The following IL1RAPL1 variants were observed in gnomAD, a reference collection of about 807,000 sequenced individuals.
IL1RAPL1 encodes interleukin-1 receptor accessory protein-like 1.
A neutral mutation model predicts 48.4 loss-of-function variants in IL1RAPL1; 3 were observed. The observed-to-expected ratio is 0.06, with a 90% confidence interval of 0.03 to 0.16. The LOEUF (loss-of-function observed/expected upper bound fraction) is 0.16. Ranked by LOEUF, IL1RAPL1 falls within the 10% of genes least tolerant of loss-of-function variation. The pLI is 1.00. For synonymous variants in IL1RAPL1, 185 were observed against 187.7 expected, an observed-to-expected ratio of 0.99 and a Z score of 0.12; for missense variants, 349 against 530.6, an observed-to-expected ratio of 0.66 and a Z score of 3.36.
chrX:28,983,606 T>C (rs1278302905), intron 2 of IL1RAPL1, among the ~76,000 whole-genome samples: 2 of 112,212 alleles, frequency 1.8e-5, no homozygotes, highest in African/African-American at 6.5e-5. Flanking sequence ...TTTGCCCATC[T>C]ATTTTTATTA....
At chrX:29,567,643 G>T (rs1231019425) in intron 5 of IL1RAPL1, among the ~76,000 whole-genome samples, 1 of 111,814 alleles carries the variant, frequency 8.9e-6, no homozygotes, top group Admixed American at 9.5e-5. Context: ...AATATTTGAT[G>T]AAATTGATGC....
intron 5 of IL1RAPL1, among the ~76,000 whole-genome samples, chrX:29,542,662 A>G (rs1166657244): frequency 8.9e-6 from 1 of 111,995 alleles, no homozygotes; most frequent in African/African-American, 3.2e-5. Context: ...ACAACTGAAA[A>G]GTAAATTCCC....
At chrX:29,918,144 A>AATATATATATATATATATATATAT (rs748970921) in intron 7 of IL1RAPL1, among the ~76,000 whole-genome samples, 1 of 23,761 alleles carries the variant, frequency 4.2e-5, no homozygotes, top group African/African-American at 2.4e-4. Context: ...AAAAAAAAAA[A>AATATATATATATATATATATATAT]ATATATATAT....
chrX:28,871,054 A>G (rs1285665408), intron 2 of IL1RAPL1, among the ~76,000 whole-genome samples: 1 of 111,949 alleles, frequency 8.9e-6, no homozygotes, highest in African/African-American at 3.2e-5. Flanking sequence ...TTAATTATTA[A>G]TAGCATATTA....
At chrX:28,985,009 A>G (rs1482769904) in intron 2 of IL1RAPL1, among the ~76,000 whole-genome samples, 1 of 111,848 alleles carries the variant, frequency 8.9e-6, no homozygotes, top group Non-Finnish European at 1.9e-5. Flanking sequence ...ATTGAATAAT[A>G]AATATAAACT....
At chrX:29,447,369 A>T (rs1233529739) in intron 5 of IL1RAPL1, among the ~76,000 whole-genome samples, 1 of 111,793 alleles carries the variant, frequency 8.9e-6, no homozygotes, top group Non-Finnish European at 1.9e-5. Context: ...TCCAAAAAAA[A>T]AAAAGCAAAA....
chrX:29,848,019 GAGAATTGTATCAGT>G (rs1391263659), intron 6 of IL1RAPL1, among the ~76,000 whole-genome samples: 1 of 110,859 alleles, frequency 9.0e-6, no homozygotes, highest in Non-Finnish European at 1.9e-5. Context: ...GTTTTTGCTT[GAGAATTGTATCAGT>G]AGATACAATT....
chrX:29,096,980 G>A (rs759325457), intron 2 of IL1RAPL1, among the ~76,000 whole-genome samples: 78 of 110,236 alleles, frequency 7.1e-4, no homozygotes, highest in Non-Finnish European at 1.2e-3. Context: ...ACTTATGGAG[G>A]GCACACCCTT....
rs190394145 is a variant in IL1RAPL1, at chrX:29,808,892, A to C, written c.779-108572A>C. Among the ~76,000 whole-genome samples the C allele has an allele frequency of 8.9e-3, 985 of 110,926 alleles. 11 individuals carry two copies. The highest frequency in any genetic ancestry group is 0.03 in the African/African-American group (909 of 30,549). On this transcript the variant is annotated intron_variant, in intron 6 of 10. Transcript: ENST00000378993. The stretch of plus-strand genomic sequence containing the variant: ...TAAACCAGCTTTGTTTGTATTTTCT[A>C]TATATAAATATTTTTATATGCCAGC...
At chrX:28,779,393 T>G (rs1400111344) in intron 1 of IL1RAPL1, among the ~76,000 whole-genome samples, 1 of 108,676 alleles carries the variant, frequency 9.2e-6, no homozygotes, top group Non-Finnish European at 1.9e-5. Context: ...TCTATGCACC[T>G]TTGCAGTTCC....
chrX:29,409,820 C>CTTTTTT (rs34018303), intron 5 of IL1RAPL1, among the ~76,000 whole-genome samples: 2 of 79,366 alleles, frequency 2.5e-5, no homozygotes, highest in Non-Finnish European at 4.8e-5. Context: ...GTTCTAAATT[C>CTTTTTT]TTTTTTTTTT....
intron 6 of IL1RAPL1, among the ~76,000 whole-genome samples, chrX:29,670,365 A>C (rs1926109757): frequency 8.9e-6 from 1 of 112,182 alleles, no homozygotes; most frequent in African/African-American, 3.2e-5. Context: ...ATGCTTCAAA[A>C]AATACTCTTA....
chrX:29,635,305 A>G (rs1924932141), intron 5 of IL1RAPL1, among the ~76,000 whole-genome samples: 1 of 112,202 alleles, frequency 8.9e-6, no homozygotes, highest in Admixed American at 9.5e-5. Flanking sequence ...CCAAGGGTAA[A>G]GATTCTAAAA....
At chrX:29,273,731 G>A (rs1377443100) in intron 2 of IL1RAPL1, among the ~76,000 whole-genome samples, 1 of 110,665 alleles carries the variant, frequency 9.0e-6, no homozygotes, top group Non-Finnish European at 1.9e-5. Flanking sequence ...TGGGAGTAGG[G>A]CACTTGCAGA....
chrX:29,281,039 G>T (rs983727561), intron 2 of IL1RAPL1, among the ~76,000 whole-genome samples: 1 of 111,708 alleles, frequency 9.0e-6, no homozygotes, highest in Non-Finnish European at 1.9e-5. Flanking sequence ...AATAAATGTG[G>T]ATAATTAATT....
At chrX:29,159,856 C>A (rs926251043) in intron 2 of IL1RAPL1, among the ~76,000 whole-genome samples, 12 of 111,632 alleles carry the variant, frequency 1.1e-4, no homozygotes, top group Non-Finnish European at 2.3e-4. Context: ...GGATTACAGG[C>A]AAGAGCCACC....
chrX:29,357,130 ATATTT>A (rs1158605328), intron 3 of IL1RAPL1, among the ~76,000 whole-genome samples: 2 of 112,166 alleles, frequency 1.8e-5, no homozygotes, highest in East Asian at 5.5e-4. Context: ...ATTCTTTCAG[ATATTT>A]TATTAATACT....
chrX:29,158,406 G>A (rs909682581), intron 2 of IL1RAPL1, among the ~76,000 whole-genome samples: 4 of 110,787 alleles, frequency 3.6e-5, no homozygotes, highest in Non-Finnish European at 5.7e-5. Flanking sequence ...GCAGAGTCTC[G>A]CTCTATCCCC....
intron 1 of IL1RAPL1, among the ~76,000 whole-genome samples, 157 bp downstream of exon 1, chrX:28,588,204 ATATGTG>A (rs1371329424): frequency 2.2e-4 from 8 of 36,241 alleles, no homozygotes; most frequent in Admixed American, 1.8e-3. Flanking sequence ...GGGTGTGTTG[ATATGTG>A]TGTGTGTGTG....
Sources: gnomAD v4.1 joint callset for allele counts (sites outside exome capture counted in the v4.1 genomes callset) on GRCh38, gnomAD v4.1.1 for gene constraint, MANE v1.5 for transcripts, NCBI Gene and HGNC (gene_info 2026-07-23, HGNC 2026-07-21) for gene names.